Variants in SLAMF6 observed in about 807,000 individuals in gnomAD.
SLAMF6 encodes the protein SLAM family member 6, also known as NK-T-B-antigen.
Under a neutral mutation model 38.3 loss-of-function variants are expected in SLAMF6, and 21 were observed. The ratio of observed to expected loss-of-function variants is 0.55; its 90% CI spans 0.39 to 0.79. The LOEUF (loss-of-function observed/expected upper bound fraction) is 0.79, where lower values mean the gene tolerates loss of function less well. Ranked by LOEUF, SLAMF6 falls within the 30% of genes least tolerant of loss-of-function variation. SLAMF6 has a pLI of 0.00. For synonymous variants in SLAMF6, 152 were observed against 146.3 expected (o/e 1.04, Z -0.28); for missense variants, 341 against 385.3 (o/e 0.89, Z 0.96).
chr1:160,490,701 A>G lies in SLAMF6; in HGVS notation c.647-16T>C. The G allele has an allele frequency of 6.2e-7, 1 of 1,610,972 alleles. No individual in the cohort carries two copies. Among genetic ancestry groups the G allele is most frequent in the South Asian group, 1.1e-5 (1 of 90,350 alleles). On this transcript the variant is annotated splice_polypyrimidine_tract_variant and intron_variant, in intron 3 of 7. Coordinates refer to ENST00000368057, the MANE Select transcript of SLAMF6 (RefSeq NM_001184714.2). Reference sequence around the variant, plus strand: ...ATTTTAACATCTGAAAAGAGAAAAAAGAAATGACATTTGAGACACATCAAG... The same window carrying G: ...ATTTTAACATCTGAAAAGAGAAAAAGGAAATGACATTTGAGACACATCAAG...
chr1:160,497,779 G>T (rs904222914), intron 1 of SLAMF6, among the ~76,000 whole-genome samples: 3 of 152,116 alleles, frequency 2.0e-5, no homozygotes, highest in Admixed American at 6.6e-5. Flanking sequence ...ATGGCCTCCA[G>T]CTCCACCCGT....
At chr1:160,495,926 G>A (rs1238456635) in intron 2 of SLAMF6, 135 bp downstream of exon 2, 33 of 775,732 alleles carry the variant, frequency 4.3e-5, no homozygotes, top group Non-Finnish European at 4.7e-5. Flanking sequence ...GTGTCATTGT[G>A]TTGACACTGA....
At chr1:160,515,294 T>G (rs1571314989) in intron 1 of SLAMF6, among the ~76,000 whole-genome samples, 1 of 152,066 alleles carries the variant, frequency 6.6e-6, no homozygotes, top group Non-Finnish European at 1.5e-5. Flanking sequence ...ACATACACCC[T>G]CCCAAGACTG....
At position 160,496,190 on chromosome 1, in the gene SLAMF6, G is replaced by T. The variant is rs773516210; in HGVS notation, c.253C>A (p.Arg85=). 6.8e-6 allele frequency: 11 copies of T among 1,613,864 alleles called. No individual in the cohort carries two copies. The highest frequency in any genetic ancestry group is 9.3e-6 in the Non-Finnish European group (11 of 1,179,892). The change falls in exon 2 of 8, where the codon CGA becomes AGA. Residue 85 remains arginine (R), a synonymous_variant. Coordinates refer to ENST00000368057, the MANE Select transcript of SLAMF6 (RefSeq NM_001184714.2). ...GAGTAGGACTGGGTGAAGTTCAGTC[G>T]CTTTCCCTGTTTCGGATTAGTCACG... ...IHVTNPKQGK[R]LNFTQSYSLQ...
chr1:160,491,061 G>A, intron 3 of SLAMF6, 64 bp downstream of exon 3: 2 of 1,584,490 alleles, frequency 1.3e-6, no homozygotes. Context: ...AAATTACGTA[G>A]GATGTGAGGA....
chr1:160,516,094 T>A (rs894859574), intron 1 of SLAMF6, among the ~76,000 whole-genome samples: 3 of 152,112 alleles, frequency 2.0e-5, no homozygotes, highest in Non-Finnish European at 2.9e-5. Flanking sequence ...CGATCCTATA[T>A]CTAGAAAACC....
intron 2 of SLAMF6, among the ~76,000 whole-genome samples, chr1:160,494,703 T>A (rs1241281807): frequency 6.6e-6 from 1 of 151,980 alleles, no homozygotes; most frequent in Admixed American, 6.6e-5. Context: ...TAGAGATTGG[T>A]GTGATGCAGC....
At chr1:160,489,242 C>T (rs1653137693) in intron 5 of SLAMF6, 72 bp from the exon 6 acceptor site, 2 of 1,450,688 alleles carry the variant, frequency 1.4e-6, no homozygotes, top group Non-Finnish European at 1.9e-6. Context: ...TCTCCCTCCC[C>T]AGAGCACACT....
chr1:160,502,672 G>A (rs886077294), intron 1 of SLAMF6, among the ~76,000 whole-genome samples: 2 of 152,202 alleles, frequency 1.3e-5, no homozygotes, highest in African/African-American at 4.8e-5. Flanking sequence ...TCTTAGGAAA[G>A]AGAGGAGAGA....
At chr1:160,506,963 T>C (rs1285825883) in intron 1 of SLAMF6, among the ~76,000 whole-genome samples, 1 of 152,068 alleles carries the variant, frequency 6.6e-6, no homozygotes, top group African/African-American at 2.4e-5. Context: ...AAGAATAGAA[T>C]AGTGGAGGGA....
chr1:160,508,523 G>T (rs1654310065), intron 1 of SLAMF6, among the ~76,000 whole-genome samples: 2 of 152,166 alleles, frequency 1.3e-5, no homozygotes, highest in Non-Finnish European at 2.9e-5. Context: ...ATGGATTAAA[G>T]ACTTAAATGT....
intron 1 of SLAMF6, among the ~76,000 whole-genome samples, chr1:160,502,446 A>G (rs1653953711): frequency 6.6e-6 from 1 of 152,178 alleles, no homozygotes; most frequent in African/African-American, 2.4e-5. Context: ...TACAAGTTTC[A>G]TCTACTGTAT....
chr1:160,489,781 A>G (rs564210123), intron 5 of SLAMF6, among the ~76,000 whole-genome samples: 4 of 152,220 alleles, frequency 2.6e-5, no homozygotes, highest in African/African-American at 9.6e-5. Flanking sequence ...GTGTTTCTAT[A>G]TCATGTTTTC....
intron 1 of SLAMF6, among the ~76,000 whole-genome samples, chr1:160,516,924 C>T (rs1654772058): frequency 6.6e-6 from 1 of 152,120 alleles, no homozygotes; most frequent in African/African-American, 2.4e-5. Context: ...ACAATCTAGG[C>T]AATGCCATTC....
intron 4 of SLAMF6, 117 bp from the exon 5 acceptor site, chr1:160,490,353 C>T: frequency 6.6e-7 from 1 of 1,514,702 alleles, no homozygotes; most frequent in Non-Finnish European, 9.1e-7. Flanking sequence ...GGGCAAGCAG[C>T]CCTGAGACAG....
At chr1:160,518,159 T>A (rs1385321062) in intron 1 of SLAMF6, among the ~76,000 whole-genome samples, 1 of 149,766 alleles carries the variant, frequency 6.7e-6, no homozygotes, top group Non-Finnish European at 1.5e-5. Context: ...GGAAAAAAGC[T>A]CAACATCACT....
chr1:160,501,627 A>G (rs982940357), intron 1 of SLAMF6, among the ~76,000 whole-genome samples: 2 of 152,046 alleles, frequency 1.3e-5, no homozygotes, highest in African/African-American at 4.8e-5. Flanking sequence ...ATGACACTGT[A>G]GCAAAGTCTT....
At chr1:160,504,871 T>C (rs1028134487) in intron 1 of SLAMF6, among the ~76,000 whole-genome samples, 1 of 152,218 alleles carries the variant, frequency 6.6e-6, no homozygotes, top group Admixed American at 6.5e-5. Context: ...GCAGGGTGCA[T>C]ACTTAGAAAA....
At chr1:160,497,004 A>G (rs1378631742) in intron 1 of SLAMF6, among the ~76,000 whole-genome samples, 1 of 152,148 alleles carries the variant, frequency 6.6e-6, no homozygotes, top group Admixed American at 6.5e-5. Context: ...AAAGTTAACT[A>G]ATTTTCCCAG....
Sources: allele counts gnomAD v4.1 joint callset (sites outside exome capture counted in the v4.1 genomes callset), GRCh38; gene constraint gnomAD v4.1.1; transcripts MANE v1.5; gene names NCBI Gene and HGNC (gene_info 2026-07-23, HGNC 2026-07-21).